The following RNF130 variants were observed in gnomAD, a reference collection of about 807,000 sequenced individuals.
The protein encoded by RNF130 is E3 ubiquitin-protein ligase RNF130.
In RNF130, 21 loss-of-function variants were observed where a neutral mutation model predicts 44.6. That is an observed-to-expected ratio of 0.47 (90% CI 0.33 to 0.68). RNF130 has a LOEUF of 0.68. Ranked by LOEUF, RNF130 falls within the 30% of genes least tolerant of loss-of-function variation. The pLI is 0.02. For synonymous variants in RNF130, 214 were observed against 210.4 expected (o/e 1.02, Z -0.15); for missense variants, 479 against 560.6 (o/e 0.85, Z 1.47).
At chr5:179,941,242 T>C (rs1359911671) in intron 7 of RNF130, among the ~76,000 whole-genome samples, 2 of 152,258 alleles carry the variant, frequency 1.3e-5, no homozygotes, top group Non-Finnish European at 2.9e-5. Context: ...TGGACATGTA[T>C]ACAAGAAACA....
chr5:179,951,206 A>C (rs113571106), downstream of RNF130, among the ~76,000 whole-genome samples: 2 of 152,158 alleles, frequency 1.3e-5, no homozygotes, highest in Non-Finnish European at 2.9e-5. Context: ...AACTACATGA[A>C]GCAAAACAGA....
chr5:180,067,799 T>C (rs1765141740), intron 1 of RNF130, among the ~76,000 whole-genome samples: 1 of 152,210 alleles, frequency 6.6e-6, no homozygotes. Flanking sequence ...GCCCCTGCCT[T>C]TGCTGTTATG....
chr5:180,038,745 C>A (rs1764336621), intron 2 of RNF130, among the ~76,000 whole-genome samples: 1 of 151,790 alleles, frequency 6.6e-6, no homozygotes, highest in South Asian at 2.1e-4. Context: ...TCATAATTCC[C>A]AGATCATCTC....
At chr5:179,927,310 G>A (rs1179239679) in intron 7 of RNF130, among the ~76,000 whole-genome samples, 1 of 150,468 alleles carries the variant, frequency 6.6e-6, no homozygotes, top group Non-Finnish European at 1.5e-5. Context: ...GATGTGTACT[G>A]GTCAACTAAT....
At chr5:180,000,557 T>G (rs1582177141) in intron 3 of RNF130, among the ~76,000 whole-genome samples, 1 of 152,222 alleles carries the variant, frequency 6.6e-6, no homozygotes, top group Admixed American at 6.5e-5. Context: ...CCATAAGTTT[T>G]GTAGGCGTTC....
Position 179,977,051 on chromosome 5 carries a change from C to T in RNF130, c.848+1152G>A, listed in dbSNP as rs183431330. On this transcript the variant is annotated intron_variant, in intron 5 of 8. Coordinates refer to ENST00000521389, the MANE Select transcript of RNF130 (RefSeq NM_018434.6). The surrounding 1 kb of genome is among the most constrained non-coding windows in gnomAD (Gnocchi z 4.1). ...CTTTCCTCATGGAGGAAGGCTTGGTCCCATGTGGGGAGCACCACATTAAAG... is the reference window on the plus strand; with the variant it reads ...CTTTCCTCATGGAGGAAGGCTTGGTTCCATGTGGGGAGCACCACATTAAAG... 10 of 152,294 alleles carry T rather than the reference C, an allele frequency of 6.6e-5. No individual in the cohort carries two copies. In the East Asian group the frequency reaches 1.5e-3, roughly 24 times the overall value. The allele number at this position is 152,294 out of a possible 1,614,324, so 9.4% of individuals were successfully genotyped here.
intron 3 of RNF130, among the ~76,000 whole-genome samples, chr5:180,009,893 C>A (rs1180617069): frequency 6.6e-6 from 1 of 152,162 alleles, no homozygotes; most frequent in African/African-American, 2.4e-5. Context: ...GGTGGTACAT[C>A]CAAACCATGG....
chr5:180,071,640 G>A lies in RNF130; in HGVS notation c.63C>T (p.Ser21=), dbSNP rs1204345235. 6.7e-7 allele frequency: 1 copy of A among 1,494,226 alleles called. No individual in the cohort carries two copies. Among genetic ancestry groups the A allele is most frequent in the Non-Finnish European group, 8.9e-7 (1 of 1,121,282 alleles). 92.6% of individuals were successfully genotyped at this position (1,494,226 alleles called of 1,614,324 possible). A position where few individuals can be genotyped will look rare whatever the true frequency, so the allele number is the denominator to read the frequency against. Residue 21 remains serine (S), a synonymous_variant, in exon 1 of 9, where the codon AGC becomes AGT. Coordinates refer to ENST00000521389, the MANE Select transcript of RNF130 (RefSeq NM_018434.6). ...CGTTGTCTGCCCGTGCCGGCCACAG[G>A]CTGCAGGTCAGCAGGGCGAGCGCGG... ...RLAALALLTC[S]LWPARADNAS... is the part of the protein sequence containing the mutation.
At chr5:180,042,729 G>A (rs750682540) in intron 1 of RNF130, among the ~76,000 whole-genome samples, 1 of 152,264 alleles carries the variant, frequency 6.6e-6, no homozygotes, top group South Asian at 2.1e-4. Context: ...GGAAGAAAAC[G>A]CAAAATCAAG....
intron 7 of RNF130, among the ~76,000 whole-genome samples, chr5:179,965,172 A>G (rs1762412076): frequency 6.6e-6 from 1 of 152,160 alleles, no homozygotes; most frequent in Admixed American, 6.5e-5. Context: ...ACTAGTAACA[A>G]AAGGAAGTAA....
intron 2 of RNF130, among the ~76,000 whole-genome samples, chr5:180,021,326 T>C (rs1348667092): frequency 6.6e-6 from 1 of 152,138 alleles, no homozygotes; most frequent in Non-Finnish European, 1.5e-5. Flanking sequence ...TGGCTCGTGG[T>C]TCTCTCCTCC....
chr5:180,055,248 C>CAAAAAAAAAAAAAAAAAAAAAAAAAAAA (rs1205914690), intron 1 of RNF130, among the ~76,000 whole-genome samples: 1 of 20,980 alleles, frequency 4.8e-5, no homozygotes, highest in Non-Finnish European at 7.3e-5. Context: ...GGTTCTGTCT[C>CAAAAAAAAAAAAAAAAAAAAAAAAAAAA]AAAAAAAAAA....
At chr5:180,055,048 A>G (rs1764774573) in intron 1 of RNF130, among the ~76,000 whole-genome samples, 1 of 152,090 alleles carries the variant, frequency 6.6e-6, no homozygotes, top group African/African-American at 2.4e-5. Flanking sequence ...ATTGGTAACA[A>G]GAAATAAATT....
intron 2 of RNF130, among the ~76,000 whole-genome samples, chr5:180,035,498 A>G (rs1011752687): frequency 6.6e-6 from 1 of 152,228 alleles, no homozygotes; most frequent in Non-Finnish European, 1.5e-5. Context: ...AGTGTGCTAC[A>G]TATGTTGGCT....
intron 7 of RNF130, among the ~76,000 whole-genome samples, chr5:179,946,608 C>CAGT (rs1435684728): frequency 2.0e-5 from 3 of 149,712 alleles, no homozygotes; most frequent in Admixed American, 6.7e-5. Flanking sequence ...GGCTGGAGTG[C>CAGT]AGTGGTGTGA....
chr5:179,976,393 T>C (rs1762716415), intron 5 of RNF130, among the ~76,000 whole-genome samples: 1 of 152,144 alleles, frequency 6.6e-6, no homozygotes, highest in African/African-American at 2.4e-5. Context: ...AAGACAGAAT[T>C]TGGAGAGCCT....
intron 3 of RNF130, among the ~76,000 whole-genome samples, chr5:179,982,108 C>T (rs193718): frequency 0.66 from 99,809 of 151,752 alleles, 34,396 homozygotes; most frequent in African/African-American, 0.88. Context: ...CTGTAACAGT[C>T]TGCAACATCA....
intron 2 of RNF130, among the ~76,000 whole-genome samples, chr5:180,038,175 C>T (rs572055263): frequency 1.1e-3 from 162 of 152,174 alleles, no homozygotes; most frequent in African/African-American, 3.8e-3. Context: ...TCACCCAAGC[C>T]GCCCAAGCAG....
rs1765268288 is a variant in RNF130 at position 180,071,567 on chromosome 5, G to T, written c.136C>A (p.Pro46Thr). 3.5e-6 allele frequency: 5 copies of T among 1,447,224 alleles called. No homozygotes were observed. The East Asian group carries it at 1.1e-4, about 32-fold the overall frequency. The allele number at this position is 1,447,224 out of a possible 1,614,324, so 89.6% of individuals were successfully genotyped here. A position where few individuals can be genotyped will look rare whatever the true frequency, so the allele number is the denominator to read the frequency against. The change falls in exon 1 of 9, where the codon CCC becomes ACC. Residue 46 changes from proline to threonine, a missense_variant. Physicochemically the swap from Pro to Thr is conservative, Grantham distance 38 (BLOSUM62 -1). This residue lies in a region of RNF130 where 138 missense variants were observed against 126.9 expected (regional missense o/e 1.09). Transcript: ENST00000521389. ...AACGTGAGCGGGGCGCCGCGGCCGG[G>T]CTCCTGCACCGTCACGTTGATGAGC... is the stretch of plus-strand genomic sequence containing the variant. ...TALINVTVQE[P>T]GRGAPLTFRI... is the part of the protein sequence containing the mutation.
Sources: gnomAD v4.1 joint callset for allele counts (sites outside exome capture counted in the v4.1 genomes callset) on GRCh38, gnomAD v4.1.1 for gene constraint, gnomAD v4.1.1 regional missense constraint, Gnocchi (gnomAD v3.1) non-coding constraint, MANE v1.5 for transcripts, NCBI Gene and HGNC (gene_info 2026-07-23, HGNC 2026-07-21) for gene names.